The following PUF60 variants were observed in gnomAD, a reference collection of about 807,000 sequenced individuals.
PUF60 encodes the protein poly(U) binding splicing factor 60, also known as poly(U)-binding-splicing factor PUF60.
Under a neutral mutation model 61.8 loss-of-function variants are expected in PUF60, and 10 were observed. That is an observed-to-expected ratio of 0.16 (90% CI 0.10 to 0.27). PUF60 has a LOEUF of 0.27. Among genes scored for constraint, PUF60 ranks in the 10% least tolerant of loss-of-function variants. The probability of loss-of-function intolerance (pLI) is 1.00; values close to 1 mark genes in which losing one functional copy is unlikely to be tolerated. For synonymous variants in PUF60, 353 were observed against 300.9 expected, an observed-to-expected ratio of 1.17 and a Z score of -1.79; for missense variants, 371 against 754.0, an observed-to-expected ratio of 0.49 and a Z score of 5.95.
intron 5 of PUF60, chr8:143,820,359 G>T: frequency 2.1e-6 from 1 of 477,746 alleles, no homozygotes; most frequent in Non-Finnish European, 3.8e-6. Flanking sequence ...CCCCGTGCGT[G>T]CAGGTGGCGT....
At chr8:143,824,531 T>C in intron 1 of PUF60, 132 bp from the exon 2 acceptor site, 2 of 892,612 alleles carry the variant, frequency 2.2e-6, no homozygotes, top group South Asian at 1.6e-5. Flanking sequence ...ATTCCCGACA[T>C]GACCCCCCAG....
intron 4 of PUF60, 82 bp from the exon 5 acceptor site, chr8:143,820,798 C>T: frequency 7.3e-7 from 1 of 1,371,514 alleles, no homozygotes; most frequent in Non-Finnish European, 1.0e-6. Context: ...CAGACAGCGG[C>T]AAGGCCCGGA....
chr8:143,824,830 G>C (rs985206977), intron 1 of PUF60: 1 of 198,390 alleles, frequency 5.0e-6, no homozygotes, highest in Non-Finnish European at 1.0e-5. Context: ...CCCAGCTCCA[G>C]TGCCTTCCAC....
chr8:143,821,262 C>T (rs1356432662), intron 4 of PUF60: 13 of 506,678 alleles, frequency 2.6e-5, no homozygotes, highest in Middle Eastern at 5.3e-4. Context: ...GCCCTGCATG[C>T]TGCCACCATC....
chr8:143,822,973 G>C (rs1183650712), intron 2 of PUF60: 2 of 185,778 alleles, frequency 1.1e-5, no homozygotes, highest in Non-Finnish European at 2.3e-5. Flanking sequence ...CAGGAGGCAG[G>C]AAGGGACAGG....
At chr8:143,821,501 C>A (rs1307061311) in intron 4 of PUF60, 96 bp downstream of exon 4, 4 of 1,143,714 alleles carry the variant, frequency 3.5e-6, no homozygotes, top group Non-Finnish European at 3.8e-6. Flanking sequence ...TAACAGCTTG[C>A]GGGGACGGCC....
At chr8:143,826,978 G>A (rs1454231603) in intron 1 of PUF60, 1 of 214,670 alleles carries the variant, frequency 4.7e-6, no homozygotes, top group East Asian at 1.6e-4. Flanking sequence ...GCTGGCTGCA[G>A]GACACTGCCT....
At chr8:143,824,514 G>T in intron 1 of PUF60, 115 bp from the exon 2 acceptor site, 1 of 1,102,292 alleles carries the variant, frequency 9.1e-7, no homozygotes, top group East Asian at 2.5e-5. Context: ...AGGCCAGGCA[G>T]GGAGGCATTC....
At chr8:143,820,228 A>C (rs1470534906) in intron 5 of PUF60, 3 of 165,900 alleles carry the variant, frequency 1.8e-5, no homozygotes, top group East Asian at 1.8e-4. Context: ...ACCCCATCCA[A>C]CCATCCTCCC....
chr8:143,817,818 C>T lies in PUF60; in HGVS notation c.818-36G>A. The stretch of plus-strand genomic sequence containing the variant: ...GAGCAGCAGTGAGCAGGGCCAGCCC[C>T]AGCCTCAGGTGGCCCCCATCCCGCC... On this transcript the variant is annotated intron_variant, in intron 8 of 11. Transcript: ENST00000526683. This position sits in a 1 kb window ranked among gnomAD's most constrained non-coding sequence, Gnocchi z 7.4. The T allele has an allele frequency of 1.2e-6, 2 of 1,607,548 alleles. No homozygotes were observed. Among genetic ancestry groups the T allele is most frequent in the Non-Finnish European group, 8.5e-7 (1 of 1,177,012 alleles).
At position 143,821,901 on chromosome 8, in the gene PUF60, T is replaced by C; in HGVS notation, c.124A>G (p.Ile42Val). Reference protein sequence around the residue: ...KWKPPQGTDSIKMENGQSTAA... With the variant: ...KWKPPQGTDSVKMENGQSTAA... ...GTGCTCTGCCCGTTCTCCATCTTGA[T>C]GGAGTCTGTGCCCTGGTAAGGGAGC... is the stretch of plus-strand genomic sequence containing the variant. The change falls in exon 3 of 12, where the codon ATC becomes GTC. Residue 42 changes from isoleucine to valine, a missense_variant. Coordinates refer to ENST00000526683, the MANE Select transcript of PUF60 (RefSeq NM_078480.3). The C allele has an allele frequency of 6.2e-7, 1 of 1,604,052 alleles. No homozygotes were observed. Among genetic ancestry groups the C allele is most frequent in the South Asian group, 1.1e-5 (1 of 89,896 alleles).
At chr8:143,824,467 C>T in intron 1 of PUF60, 68 bp from the exon 2 acceptor site, 3 of 1,519,654 alleles carry the variant, frequency 2.0e-6, no homozygotes, top group Admixed American at 1.7e-5. Flanking sequence ...GCTCTCCTCC[C>T]GAGCTAAGGG....
In PUF60 at chr8:143,824,551, C is replaced by A; in HGVS notation, c.25-152G>T. 3 of 727,632 alleles carry A rather than the reference C, an allele frequency of 4.1e-6. No homozygotes were observed. In the South Asian group the frequency reaches 5.1e-5, roughly 12 times the overall value. The allele number at this position is 727,632 out of a possible 1,614,324, so 45.1% of individuals were successfully genotyped here. On this transcript the variant is annotated intron_variant, in intron 1 of 11. Transcript: ENST00000526683. The stretch of plus-strand genomic sequence containing the variant: ...CGACATGACCCCCCAGCCCAAACTG[C>A]CCTCTCTTCACACCCATCAGCACGC...
At chr8:143,827,012 C>A (rs1334835776) in intron 1 of PUF60, 2 of 255,882 alleles carry the variant, frequency 7.8e-6, no homozygotes, top group Non-Finnish European at 1.5e-5. Context: ...TCCCTTCACA[C>A]AATGAACACT....
At chr8:143,816,857 G>A (rs745634435) in intron 11 of PUF60, 38 bp from the exon 12 acceptor site, 3 of 1,599,086 alleles carry the variant, frequency 1.9e-6, no homozygotes, top group Non-Finnish European at 1.7e-6. Context: ...GCTGAGCACT[G>A]CGGCCCCGCC....
At position 143,818,577 on chromosome 8, in the gene PUF60, GC is replaced by G. The variant is rs1816645459; in HGVS notation, c.349-44del. The stretch of plus-strand genomic sequence containing the variant: ...GGAGAGAACCGCTGGCTCGTCAGGG[GC>G]GGCAGGAAGCTGGGCAGCCCACTCC... On this transcript the variant is annotated intron_variant, in intron 5 of 11. Coordinates refer to ENST00000526683, the MANE Select transcript of PUF60 (RefSeq NM_078480.3). The surrounding 1 kb of genome is among the most constrained non-coding windows in gnomAD (Gnocchi z 7.9). 2 of 1,519,596 alleles carry G rather than the reference GC, an allele frequency of 1.3e-6. No individual in the cohort carries two copies. The highest frequency in any genetic ancestry group is 1.8e-6 in the Non-Finnish European group (2 of 1,130,640). The allele number at this position is 1,519,596 out of a possible 1,614,324, so 94.1% of individuals were successfully genotyped here.
Position 143,821,893 on chromosome 8 carries a change from C to G in PUF60, c.132G>C (p.Met44Ile). The G allele has an allele frequency of 6.2e-7, 1 of 1,606,664 alleles. No individual in the cohort carries two copies. The highest frequency in any genetic ancestry group is 8.5e-7 in the Non-Finnish European group (1 of 1,178,042). Residue 44 changes from methionine (M) to isoleucine (I), a missense_variant, in exon 3 of 12, where the codon ATG becomes ATC. By Grantham distance (10) the Met-to-Ile change is conservative. Transcript: ENST00000526683. ...KPPQGTDSIKMENGQSTAAKL... is the reference protein window; with the variant it reads ...KPPQGTDSIKIENGQSTAAKL... ...TGGCGGCTGTGCTCTGCCCGTTCTC[C>G]ATCTTGATGGAGTCTGTGCCCTGGT...
Position 143,817,321 on chromosome 8 carries a change from T to TA in PUF60, c.1144+9dup. The TA allele has an allele frequency of 6.3e-7, 1 of 1,585,054 alleles. No homozygotes were observed. The highest frequency in any genetic ancestry group is 2.2e-5 in the East Asian group (1 of 44,652). ...GGAGAGGAGAGGATCTGGTACCACT[T>TA]AAGACTCACCTGTGATGACTCCAGG... On this transcript the variant is annotated intron_variant, in intron 10 of 11. Transcript: ENST00000526683. The surrounding 1 kb of genome is among the most constrained non-coding windows in gnomAD (Gnocchi z 7.4).
intron 5 of PUF60, among the ~76,000 whole-genome samples, chr8:143,819,959 C>G (rs560841136): frequency 6.6e-6 from 1 of 152,336 alleles, no homozygotes; most frequent in South Asian, 2.1e-4. Context: ...CAGGGATGAC[C>G]CCTCTGAACA....
Sources: gnomAD v4.1 joint callset for allele counts (sites outside exome capture counted in the v4.1 genomes callset) on GRCh38, gnomAD v4.1.1 for gene constraint, Gnocchi (gnomAD v3.1) non-coding constraint, MANE v1.5 for transcripts, NCBI Gene and HGNC (gene_info 2026-07-23, HGNC 2026-07-21) for gene names.